PTPRD: variants seen among roughly 807,000 people sequenced by gnomAD.
PTPRD encodes receptor-type tyrosine-protein phosphatase delta.
A neutral mutation model predicts 214.5 loss-of-function variants in PTPRD; 34 were observed. That is an observed-to-expected ratio of 0.16 (90% CI 0.12 to 0.21). The LOEUF is 0.21. Ranked by LOEUF, PTPRD falls within the 10% of genes least tolerant of loss-of-function variation. The probability of loss-of-function intolerance (pLI) is 1.00; values close to 1 mark genes in which losing one functional copy is unlikely to be tolerated. For missense variants in PTPRD, 2,545 were observed against 2,398.7 expected, an observed-to-expected ratio of 1.06 and a Z score of -1.27; for synonymous variants, 1,128 against 845.7, an observed-to-expected ratio of 1.33 and a Z score of -5.79.
intron 7 of PTPRD, among the ~76,000 whole-genome samples, chr9:9,630,492 G>A (rs1227523641): frequency 6.6e-6 from 1 of 152,162 alleles, no homozygotes; most frequent in Non-Finnish European, 1.5e-5. Context: ...GAGGAAAGGA[G>A]ATAACAATTG....
chr9:8,996,510 G>A (rs1292753511), intron 11 of PTPRD, among the ~76,000 whole-genome samples: 27 of 152,020 alleles, frequency 1.8e-4, no homozygotes, highest in Admixed American at 1.8e-3. Flanking sequence ...AGGGATCTGT[G>A]GGGTGCCTTA....
At chr9:8,995,025 A>G (rs2099391169) in intron 11 of PTPRD, among the ~76,000 whole-genome samples, 1 of 152,072 alleles carries the variant, frequency 6.6e-6, no homozygotes, top group Middle Eastern at 3.2e-3. Flanking sequence ...AAGAGCAAGT[A>G]AAGGAAACAT....
intron 11 of PTPRD, among the ~76,000 whole-genome samples, chr9:8,887,293 AAC>A (rs1448427770): frequency 6.6e-6 from 1 of 152,188 alleles, no homozygotes; most frequent in Non-Finnish European, 1.5e-5. Flanking sequence ...GCCACTGTCA[AAC>A]ACAGACATGC....
intron 9 of PTPRD, among the ~76,000 whole-genome samples, chr9:9,268,861 A>T (rs185995611): frequency 7.4e-4 from 112 of 150,992 alleles, no homozygotes; most frequent in South Asian, 1.5e-3. Flanking sequence ...GCAAAACTCA[A>T]CTCAAAATGG....
At chr9:9,984,238 T>C (rs1566924246) in intron 4 of PTPRD, among the ~76,000 whole-genome samples, 2 of 152,144 alleles carry the variant, frequency 1.3e-5, no homozygotes, top group Admixed American at 1.3e-4. Flanking sequence ...CACACAGTGA[T>C]TTTGTTAGGG....
intron 12 of PTPRD, among the ~76,000 whole-genome samples, chr9:8,719,461 T>C (rs2098469085): frequency 6.6e-6 from 1 of 152,222 alleles, no homozygotes; most frequent in Admixed American, 6.5e-5. Flanking sequence ...TTTAACTAAC[T>C]TCATCAGGTT....
At chr9:8,704,653 G>T (rs2098163697) in intron 12 of PTPRD, among the ~76,000 whole-genome samples, 2 of 151,944 alleles carry the variant, frequency 1.3e-5, no homozygotes, top group Non-Finnish European at 2.9e-5. Context: ...TACCCGAGGA[G>T]CCTATCACAG....
chr9:9,458,652 A>C (rs1187549737), intron 8 of PTPRD, among the ~76,000 whole-genome samples: 3 of 152,094 alleles, frequency 2.0e-5, no homozygotes, highest in Non-Finnish European at 4.4e-5. Flanking sequence ...TCTCAGAAAG[A>C]CAAAAATGAC....
At chr9:10,206,849 A>T (rs1170137375) in intron 3 of PTPRD, among the ~76,000 whole-genome samples, 1 of 152,188 alleles carries the variant, frequency 6.6e-6, no homozygotes, top group Non-Finnish European at 1.5e-5. Flanking sequence ...AAAATTGGTG[A>T]GACTGAGTGT....
Position 10,228,084 on chromosome 9 carries a change from C to T in PTPRD, c.-545+112879G>A, listed in dbSNP as rs571881219. Reference sequence around the variant, plus strand: ...TTATGATTAAAAGAGATTTTGGATACCTCAAAATTTAGCTACTTAAAACTT... The same window carrying T: ...TTATGATTAAAAGAGATTTTGGATATCTCAAAATTTAGCTACTTAAAACTT... On this transcript the variant is annotated intron_variant, in intron 3 of 45. Transcript: ENST00000381196. 3.3e-5 allele frequency among the ~76,000 whole-genome samples: 5 copies of T among 151,852 alleles called. No homozygotes were observed. In the South Asian group the frequency reaches 1.0e-3, roughly 32 times the overall value.
At chr9:8,758,843 G>A (rs924321707) in intron 11 of PTPRD, among the ~76,000 whole-genome samples, 1 of 150,536 alleles carries the variant, frequency 6.6e-6, no homozygotes. Flanking sequence ...GTGCCACCAC[G>A]CTTGGCTAAT....
intron 3 of PTPRD, among the ~76,000 whole-genome samples, chr9:10,108,430 A>G (rs2098656787): frequency 1.3e-5 from 2 of 151,968 alleles, no homozygotes; most frequent in Non-Finnish European, 2.9e-5. Context: ...CTTCTGTCTA[A>G]CTGAAATTTT....
At chr9:8,496,945 C>T (rs1351708664) in intron 26 of PTPRD, among the ~76,000 whole-genome samples, 1 of 152,166 alleles carries the variant, frequency 6.6e-6, no homozygotes, top group African/African-American at 2.4e-5. Flanking sequence ...GATTAGACAA[C>T]ACCCCTGTGT....
intron 3 of PTPRD, among the ~76,000 whole-genome samples, chr9:10,329,377 A>C (rs1160408534): frequency 6.6e-6 from 1 of 151,838 alleles, no homozygotes; most frequent in Non-Finnish European, 1.5e-5. Flanking sequence ...GCATGTTCTA[A>C]GGGATTTAAG....
chr9:9,889,922 T>C (rs2072632823), intron 5 of PTPRD, among the ~76,000 whole-genome samples: 1 of 151,962 alleles, frequency 6.6e-6, no homozygotes, highest in African/African-American at 2.4e-5. Flanking sequence ...CTGTAGGCAC[T>C]TTCCTGAAGA....
chr9:9,583,272 C>T (rs1049260796), intron 7 of PTPRD, among the ~76,000 whole-genome samples: 1 of 151,976 alleles, frequency 6.6e-6, no homozygotes, highest in East Asian at 1.9e-4. Flanking sequence ...GAATTTATGT[C>T]TCTTAACTGA....
intron 7 of PTPRD, among the ~76,000 whole-genome samples, chr9:9,683,587 G>T (rs1341212431): frequency 6.6e-6 from 1 of 151,578 alleles, no homozygotes; most frequent in Non-Finnish European, 1.5e-5. Flanking sequence ...GGAAAAAGGG[G>T]ACTAATAAGA....
chr9:8,381,698 G>A (rs10815842), intron 37 of PTPRD, among the ~76,000 whole-genome samples: 63,034 of 152,048 alleles, frequency 0.41, 15,893 homozygotes, highest in African/African-American at 0.68. Context: ...CAAATTACAT[G>A]TCATAAAATT....
At chr9:8,963,794 T>G (rs1588967221) in intron 11 of PTPRD, among the ~76,000 whole-genome samples, 1 of 151,900 alleles carries the variant, frequency 6.6e-6, no homozygotes, top group Non-Finnish European at 1.5e-5. Flanking sequence ...AATTATTTTT[T>G]GTAGAGATGG....
Sources: allele counts gnomAD v4.1 joint callset (sites outside exome capture counted in the v4.1 genomes callset), GRCh38; gene constraint gnomAD v4.1.1; transcripts MANE v1.5; gene names NCBI Gene and HGNC (gene_info 2026-07-23, HGNC 2026-07-21).